The following SLC24A3 variants were observed in gnomAD, a reference collection of about 807,000 sequenced individuals.
SLC24A3 encodes the protein sodium/potassium/calcium exchanger 3.
Under a neutral mutation model 75.8 loss-of-function variants are expected in SLC24A3, and 28 were observed. That is an observed-to-expected ratio of 0.37 (90% CI 0.27 to 0.51). The LOEUF is 0.51. Ranked by LOEUF, SLC24A3 falls within the 20% of genes least tolerant of loss-of-function variation. The probability of loss-of-function intolerance (pLI) is 0.94; values close to 1 mark genes in which losing one functional copy is unlikely to be tolerated. For synonymous variants in SLC24A3, 372 were observed against 334.1 expected, an observed-to-expected ratio of 1.11 and a Z score of -1.24; for missense variants, 663 against 847.8, an observed-to-expected ratio of 0.78 and a Z score of 2.71.
At chr20:19,287,301 G>A (rs527526603) in intron 2 of SLC24A3, among the ~76,000 whole-genome samples, 73 of 152,214 alleles carry the variant, frequency 4.8e-4, no homozygotes, top group Non-Finnish European at 6.0e-4. Context: ...ATTTGGGGTA[G>A]CAGGGTTTTA....
At chr20:19,412,535 G>A (rs1272929387) in intron 2 of SLC24A3, among the ~76,000 whole-genome samples, 12 of 151,558 alleles carry the variant, frequency 7.9e-5, no homozygotes. Flanking sequence ...AGGAGAAGGA[G>A]GAAAAGAGGA....
At position 19,721,673 on chromosome 20, in the gene SLC24A3, G is replaced by A. The variant is rs2033105904; in HGVS notation, c.*533G>A. ...TTCCCCTTTTACTCCTTTTCTTCCA[G>A]AGATCAAGAGCTTCTCTTGCATCTT... On this transcript the variant is annotated 3_prime_UTR_variant, in exon 17 of 17. Coordinates refer to ENST00000328041, the MANE Select transcript of SLC24A3 (RefSeq NM_020689.4). 1 of 153,868 alleles carries A rather than the reference G, an allele frequency of 6.5e-6. No homozygotes were observed. Among genetic ancestry groups the A allele is most frequent in the African/African-American group, 2.4e-5 (1 of 41,428 alleles). 9.5% of individuals were successfully genotyped at this position (153,868 alleles called of 1,614,324 possible).
chr20:19,623,797 C>T (rs757909684), intron 6 of SLC24A3, among the ~76,000 whole-genome samples: 68 of 152,158 alleles, frequency 4.5e-4, no homozygotes, highest in Admixed American at 1.6e-3. Context: ...AGGGTATGAG[C>T]GAAACATCTG....
chr20:19,582,335 G>A (rs2031228943), intron 4 of SLC24A3, among the ~76,000 whole-genome samples: 1 of 152,186 alleles, frequency 6.6e-6, no homozygotes, highest in South Asian at 2.1e-4. Flanking sequence ...CTGGGAGTGG[G>A]GCAGAAAAAC....
chr20:19,644,442 G>T (rs530948720), intron 6 of SLC24A3, among the ~76,000 whole-genome samples: 1 of 152,140 alleles, frequency 6.6e-6, no homozygotes, highest in Admixed American at 6.5e-5. Flanking sequence ...GCTCCCCGGC[G>T]ATGCTGATAC....
At position 19,675,932 on chromosome 20, in the gene SLC24A3, T is replaced by C. The variant is rs146192934; in HGVS notation, c.767+2278T>C. On this transcript the variant is annotated intron_variant, in intron 9 of 16. Transcript: ENST00000328041. ...TCACACATCTTCCTTTGCTGTTTTCTAGTGCATCGTTTCAATTTTTTAACA... is the reference window on the plus strand; with the variant it reads ...TCACACATCTTCCTTTGCTGTTTTCCAGTGCATCGTTTCAATTTTTTAACA... 6.8e-4 allele frequency among the ~76,000 whole-genome samples: 104 copies of C among 152,350 alleles called. No homozygotes were observed. In the South Asian group the frequency reaches 9.1e-3, roughly 13 times the overall value.
At chr20:19,270,430 T>TA (rs1475818160) in intron 1 of SLC24A3, among the ~76,000 whole-genome samples, 2 of 152,198 alleles carry the variant, frequency 1.3e-5, no homozygotes, top group East Asian at 3.8e-4. Flanking sequence ...TTTAGCAGCT[T>TA]AAAAAACAGC....
At chr20:19,670,969 G>C (rs1433701326) in intron 8 of SLC24A3, among the ~76,000 whole-genome samples, 1 of 152,178 alleles carries the variant, frequency 6.6e-6, no homozygotes, top group East Asian at 1.9e-4. Context: ...TGTCAGGTGT[G>C]AGGAGTGGTG....
chr20:19,667,047 A>G (rs1475884083), intron 8 of SLC24A3, among the ~76,000 whole-genome samples: 1 of 152,228 alleles, frequency 6.6e-6, no homozygotes, highest in Admixed American at 6.5e-5. Context: ...AGCCAGAAAA[A>G]GTAGAGTCCA....
intron 1 of SLC24A3, among the ~76,000 whole-genome samples, chr20:19,242,080 A>G (rs1343424032): frequency 6.6e-6 from 1 of 152,092 alleles, no homozygotes; most frequent in Non-Finnish European, 1.5e-5. Context: ...TCAGATCTCC[A>G]TCATGGACTC....
chr20:19,675,429 C>T (rs554342423), intron 9 of SLC24A3, among the ~76,000 whole-genome samples: 202 of 152,332 alleles, frequency 1.3e-3, no homozygotes, highest in African/African-American at 4.6e-3. Context: ...GACTGAGACA[C>T]TTGTTGAGAG....
At chr20:19,423,233 G>A (rs1308300393) in intron 2 of SLC24A3, among the ~76,000 whole-genome samples, 1 of 152,166 alleles carries the variant, frequency 6.6e-6, no homozygotes, top group Non-Finnish European at 1.5e-5. Context: ...TCATCCAGAT[G>A]TTGTGGGAGG....
At chr20:19,696,637 A>G in intron 13 of SLC24A3, 160 bp from the exon 14 acceptor site, 1 of 531,036 alleles carries the variant, frequency 1.9e-6, no homozygotes, top group South Asian at 3.1e-5. Context: ...GTCGGCATCC[A>G]CATAGTGTTT....
chr20:19,615,209 C>T (rs904307203), intron 6 of SLC24A3, among the ~76,000 whole-genome samples: 6 of 151,928 alleles, frequency 3.9e-5, no homozygotes, highest in Admixed American at 6.6e-5. Flanking sequence ...AATCAGAGTC[C>T]GGAAGTTGTA....
At chr20:19,311,225 C>T (rs1043204111) in intron 2 of SLC24A3, among the ~76,000 whole-genome samples, 1 of 152,102 alleles carries the variant, frequency 6.6e-6, no homozygotes, top group Non-Finnish European at 1.5e-5. Flanking sequence ...GAACCTAAAC[C>T]TCATGTTCAA....
chr20:19,471,141 TGAA>T (rs1444465221), intron 2 of SLC24A3, among the ~76,000 whole-genome samples: 1 of 152,070 alleles, frequency 6.6e-6, no homozygotes, highest in Non-Finnish European at 1.5e-5. Flanking sequence ...CTTGAGGGCT[TGAA>T]GAAGAAGCAG....
At chr20:19,370,872 G>A (rs567527745) in intron 2 of SLC24A3, among the ~76,000 whole-genome samples, 2 of 152,260 alleles carry the variant, frequency 1.3e-5, no homozygotes, top group Admixed American at 6.5e-5. Flanking sequence ...TGGTTAGACC[G>A]GCTCTGGGCT....
intron 2 of SLC24A3, among the ~76,000 whole-genome samples, chr20:19,333,640 T>TGTGAGTGTGTGTGTGTGTGA (rs1555788414): frequency 1.3e-5 from 2 of 150,316 alleles, no homozygotes; most frequent in African/African-American, 5.0e-5. Flanking sequence ...TGTGTGTGTG[T>TGTGAGTGTGTGTGTGTGTGA]GAGTGTGTGT....
At position 19,475,010 on chromosome 20, in the gene SLC24A3, A is replaced by G. The variant is rs139171303; in HGVS notation, c.272-40478A>G. Among the ~76,000 whole-genome samples the G allele has an allele frequency of 2.1e-3, 313 of 152,302 alleles. 2 individuals are homozygous for G. Among genetic ancestry groups the G allele is most frequent in the African/African-American group, 7.2e-3 (299 of 41,568 alleles). ...AGGCTCTCTGACACTAACAGTTCACAATAGAGGTGACCAGGAAATACACAC... is the reference window on the plus strand; with the variant it reads ...AGGCTCTCTGACACTAACAGTTCACGATAGAGGTGACCAGGAAATACACAC... On this transcript the variant is annotated intron_variant, in intron 2 of 16. Coordinates refer to ENST00000328041, the MANE Select transcript of SLC24A3 (RefSeq NM_020689.4).
Sources: gnomAD v4.1 joint callset for allele counts (sites outside exome capture counted in the v4.1 genomes callset) on GRCh38, gnomAD v4.1.1 for gene constraint, MANE v1.5 for transcripts, NCBI Gene and HGNC (gene_info 2026-07-23, HGNC 2026-07-21) for gene names.